Variants in PUM2 observed in about 807,000 individuals in gnomAD.
The protein encoded by PUM2 is pumilio homolog 2.
PUM2 carries 57 observed loss-of-function variants against 124.5 expected under a neutral mutation model. The observed-to-expected ratio is 0.46, with a 90% confidence interval of 0.37 to 0.57. PUM2 has a LOEUF of 0.57. Among genes scored for constraint, PUM2 ranks in the 20% least tolerant of loss-of-function variants. The probability of loss-of-function intolerance (pLI) is 0.00; values close to 1 mark genes in which losing one functional copy is unlikely to be tolerated. For missense variants in PUM2, 1,065 were observed against 1,290.6 expected, an observed-to-expected ratio of 0.83 and a Z score of 2.68; for synonymous variants, 460 against 446.1, an observed-to-expected ratio of 1.03 and a Z score of -0.39.
intron 1 of PUM2, among the ~76,000 whole-genome samples, chr2:20,337,971 G>A (rs1686469690): frequency 2.6e-5 from 4 of 152,014 alleles, no homozygotes; most frequent in Admixed American, 2.0e-4. Flanking sequence ...TAGGAAAACT[G>A]GCCACAATTT....
At chr2:20,338,538 C>A (rs1461710204) in intron 1 of PUM2, among the ~76,000 whole-genome samples, 2 of 152,314 alleles carry the variant, frequency 1.3e-5, no homozygotes, top group East Asian at 1.9e-4. Context: ...TTAATTCCCA[C>A]AGAATTTAAT....
At chr2:20,339,550 G>T (rs1397718134) in intron 1 of PUM2, among the ~76,000 whole-genome samples, 1 of 152,132 alleles carries the variant, frequency 6.6e-6, no homozygotes, top group African/African-American at 2.4e-5. Context: ...CCAGTTTGTA[G>T]ATGTAAATAT....
chr2:20,293,584 C>A (rs1674758246), intron 9 of PUM2, among the ~76,000 whole-genome samples: 1 of 152,062 alleles, frequency 6.6e-6, no homozygotes, highest in Admixed American at 6.5e-5. Context: ...GTGGTGCACA[C>A]CTGTAATCCC....
At chr2:20,276,369 A>G (rs1670271790) in intron 13 of PUM2, among the ~76,000 whole-genome samples, 1 of 152,024 alleles carries the variant, frequency 6.6e-6, no homozygotes, top group African/African-American at 2.4e-5. Flanking sequence ...GCAGATCTCA[A>G]GCCTTACAGG....
intron 1 of PUM2, among the ~76,000 whole-genome samples, chr2:20,335,524 TAC>T (rs1433477289): frequency 1.3e-5 from 2 of 152,210 alleles, no homozygotes; most frequent in African/African-American, 4.8e-5. Context: ...AATTGAATCA[TAC>T]AGTTTTTCAG....
At chr2:20,256,296 TGA>T in intron 16 of PUM2, 126 bp from the exon 17 acceptor site, 3 of 874,684 alleles carry the variant, frequency 3.4e-6, no homozygotes, top group Non-Finnish European at 3.2e-6. Context: ...TTAAAAATAC[TGA>T]GATGGGAACA....
At chr2:20,283,573 A>G (rs1289232592) in intron 10 of PUM2, 87 bp from the exon 11 acceptor site, 7 of 1,306,352 alleles carry the variant, frequency 5.4e-6, no homozygotes, top group Non-Finnish European at 7.4e-6. Flanking sequence ...TTTTTCAACT[A>G]GACAACACAG....
At chr2:20,272,486 T>A (rs1393918110) in intron 13 of PUM2, among the ~76,000 whole-genome samples, 1 of 152,212 alleles carries the variant, frequency 6.6e-6, no homozygotes, top group Admixed American at 6.5e-5. Flanking sequence ...GGTATCTAAA[T>A]GAGTAGGTCT....
At chr2:20,255,180 A>C (rs763367234) in intron 18 of PUM2, 36 bp downstream of exon 18, 12 of 1,556,878 alleles carry the variant, frequency 7.7e-6, no homozygotes, top group Non-Finnish European at 1.1e-5. Flanking sequence ...ATTTCCAAAA[A>C]TATATAAACA....
intron 12 of PUM2, 80 bp downstream of exon 12, chr2:20,282,867 T>C: frequency 7.1e-7 from 1 of 1,405,850 alleles, no homozygotes; most frequent in Non-Finnish European, 9.7e-7. Context: ...CTACATGCTA[T>C]TATTGCTTAT....
intron 5 of PUM2, among the ~76,000 whole-genome samples, chr2:20,310,539 T>C (rs1462575676): frequency 6.6e-6 from 1 of 152,128 alleles, no homozygotes; most frequent in Non-Finnish European, 1.5e-5. Context: ...AAACTCGAAA[T>C]AAATTTCTAA....
At chr2:20,313,638 T>A (rs1265786860) in intron 3 of PUM2, among the ~76,000 whole-genome samples, 2 of 151,960 alleles carry the variant, frequency 1.3e-5, no homozygotes, top group Admixed American at 6.6e-5. Context: ...GAGACTAGCA[T>A]GGGAAACATG....
chr2:20,302,934 G>A (rs918784418), intron 7 of PUM2, among the ~76,000 whole-genome samples: 12 of 152,236 alleles, frequency 7.9e-5, no homozygotes, highest in Middle Eastern at 6.8e-3. Context: ...TTTCCACCAC[G>A]CTTCATACTA....
intron 1 of PUM2, 27 bp from the exon 2 acceptor site, chr2:20,327,405 G>C (rs1683936528): frequency 7.1e-7 from 1 of 1,402,712 alleles, no homozygotes; most frequent in Non-Finnish European, 9.9e-7. Context: ...ACAAAAATTA[G>C]TACAAAGAAA....
chr2:20,315,354 A>G (rs916663561), intron 3 of PUM2, among the ~76,000 whole-genome samples: 1 of 152,194 alleles, frequency 6.6e-6, no homozygotes, highest in Non-Finnish European at 1.5e-5. Flanking sequence ...AAGTATGTCA[A>G]GTCTCCTGCA....
Position 20,276,426 on chromosome 2 carries a change from GA to G in PUM2, c.1957+2156del, listed in dbSNP as rs1670287307. On this transcript the variant is annotated intron_variant, in intron 13 of 20. Transcript: ENST00000361078. Reference sequence around the variant, plus strand: ...TCACATCTTAAAATAAAATCTCCCAGAAAAATAATCTGGAATTAATTCCAAC... The same window carrying G: ...TCACATCTTAAAATAAAATCTCCCAGAAAATAATCTGGAATTAATTCCAAC... Among the ~76,000 whole-genome samples, 3 of 151,664 alleles carry G rather than the reference GA, an allele frequency of 2.0e-5. No individual in the cohort carries two copies. The South Asian group carries it at 6.2e-4, about 32-fold the overall frequency.
At chr2:20,344,980 C>T (rs545759756) in intron 1 of PUM2, among the ~76,000 whole-genome samples, 30 of 58,532 alleles carry the variant, frequency 5.1e-4, no homozygotes, top group Non-Finnish European at 8.5e-4. Flanking sequence ...GAGACTCTGT[C>T]TCAAAAAAAA....
chr2:20,308,266 C>T (rs1435065312), intron 6 of PUM2, 48 bp downstream of exon 6: 9 of 1,583,706 alleles, frequency 5.7e-6, no homozygotes, highest in African/African-American at 1.4e-5. Context: ...TCAGGCTAAA[C>T]CAGTATACAG....
intron 7 of PUM2, among the ~76,000 whole-genome samples, chr2:20,298,329 A>G (rs1341618674): frequency 1.3e-5 from 2 of 152,234 alleles, no homozygotes; most frequent in African/African-American, 2.4e-5. Context: ...GTTCATGCTA[A>G]GTAGTTTGGA....
Sources: gnomAD v4.1 joint callset for allele counts (sites outside exome capture counted in the v4.1 genomes callset) on GRCh38, gnomAD v4.1.1 for gene constraint, MANE v1.5 for transcripts, NCBI Gene and HGNC (gene_info 2026-07-23, HGNC 2026-07-21) for gene names.